RHBDF1: variants seen among roughly 807,000 people sequenced by gnomAD.
RHBDF1 encodes inactive rhomboid protein 1.
A neutral mutation model predicts 98.6 loss-of-function variants in RHBDF1; 80 were observed. The ratio of observed to expected loss-of-function variants is 0.81; its 90% CI spans 0.68 to 0.98. The LOEUF (loss-of-function observed/expected upper bound fraction) is 0.98, where lower values mean the gene tolerates loss of function less well. Among genes scored for constraint, RHBDF1 ranks in the 50% least tolerant of loss-of-function variants. The probability of loss-of-function intolerance (pLI) is 0.00; values close to 1 mark genes in which losing one functional copy is unlikely to be tolerated. For missense variants in RHBDF1, 1,116 were observed against 1,198.3 expected (o/e 0.93, Z 1.01); for synonymous variants, 512 against 486.8 (o/e 1.05, Z -0.68).
At position 64,244 on chromosome 16, in the gene RHBDF1, G is replaced by A; in HGVS notation, c.249-444C>T. 2.3e-6 allele frequency: 3 copies of A among 1,333,076 alleles called. No homozygotes were observed. The South Asian group carries it at 3.7e-5, about 16-fold the overall frequency. The allele number at this position is 1,333,076 out of a possible 1,614,324, so 82.6% of individuals were successfully genotyped here. On this transcript the variant is annotated intron_variant, in intron 3 of 17. Coordinates refer to ENST00000262316, the MANE Select transcript of RHBDF1 (RefSeq NM_022450.5). ...AGCACCTGCCGTTAGGAGCCCCAGG[G>A]AATGCCAACCACACTGGCAGCTCCC...
At position 62,158 on chromosome 16, in the gene RHBDF1, G is replaced by T. The variant is rs757931844; in HGVS notation, c.954-106C>A. 570 of 1,379,986 alleles carry T rather than the reference G, an allele frequency of 4.1e-4. 1 individual carries two copies. Among genetic ancestry groups the T allele is most frequent in the Non-Finnish European group, 4.9e-4 (516 of 1,053,048 alleles). 85.5% of individuals were successfully genotyped at this position (1,379,986 alleles called of 1,614,324 possible). ...GTCTCTATCCTGGCGAATATACTGC[G>T]CAAGTCGCCCGGCATCTGCCTTCTC... On this transcript the variant is annotated intron_variant, in intron 7 of 17. Coordinates refer to ENST00000262316, the MANE Select transcript of RHBDF1 (RefSeq NM_022450.5).
chr16:60,283 C>T lies in RHBDF1; in HGVS notation c.1659-4G>A, dbSNP rs377210215. 11 of 1,613,946 alleles carry T rather than the reference C, an allele frequency of 6.8e-6. No homozygotes were observed. The highest frequency in any genetic ancestry group is 1.1e-5 in the South Asian group (1 of 91,088). ...GGAGGAGGGCTCATCACACACCCTG[C>T]ATGAGCCAAGTATGTGGTCAGACCG... On this transcript the variant is annotated splice_polypyrimidine_tract_variant and splice_region_variant and intron_variant, in intron 12 of 17. Coordinates refer to ENST00000262316, the MANE Select transcript of RHBDF1 (RefSeq NM_022450.5).
At chr16:74,887 C>G (rs1180920365), upstream of RHBDF1, 1 of 150,900 alleles carries the variant, frequency 6.6e-6, no homozygotes, top group African/African-American at 2.4e-5. Context: ...CCCGCCCAAA[C>G]CCTATAAAAC....
upstream of RHBDF1, among the ~76,000 whole-genome samples, chr16:76,062 G>A (rs1002531974): frequency 2.6e-5 from 4 of 152,172 alleles, no homozygotes; most frequent in African/African-American, 9.7e-5. Flanking sequence ...CACAGCCTGT[G>A]GCCTATTGTG....
chr16:64,391 G>A (rs1243903687), intron 3 of RHBDF1: 9 of 1,389,284 alleles, frequency 6.5e-6, no homozygotes, highest in Middle Eastern at 3.8e-4. Flanking sequence ...GCAGCCCGGG[G>A]ACCCAAGAGG....
chr16:58,594 G>A lies in RHBDF1; in HGVS notation c.2314C>T (p.His772Tyr). 1 of 1,613,734 alleles carries A rather than the reference G, an allele frequency of 6.2e-7. No homozygotes were observed. Among genetic ancestry groups the A allele is most frequent in the Non-Finnish European group, 8.5e-7 (1 of 1,179,950 alleles). The change falls in exon 18 of 18, where the codon CAC becomes TAC. Residue 772 changes from histidine (H) to tyrosine (Y), a missense_variant. Coordinates refer to ENST00000262316, the MANE Select transcript of RHBDF1 (RefSeq NM_022450.5). ...AGGCCACTGATGAACCCTGAGATGT[G>A]GGCAAAGTTGTCAATCCACGGCAGC... ...GLLPWIDNFA[H>Y]ISGFISGLFL...
Position 63,167 on chromosome 16 carries a change from C to T in RHBDF1, c.478G>A (p.Ala160Thr). The change falls in exon 5 of 18, where the codon GCC becomes ACC. Residue 160 changes from alanine to threonine, a missense_variant. Transcript: ENST00000262316. ...GCCACACGGAAGGCACGGCCACGGG[C>T]CAGGGGGTCTATGATCTGGAGGAGG... is the stretch of plus-strand genomic sequence containing the variant. ...LGMQKIIDPLARGRAFRVADD... is the reference protein window; with the variant it reads ...LGMQKIIDPLTRGRAFRVADD... The T allele has an allele frequency of 6.3e-7, 1 of 1,578,788 alleles. No homozygotes were observed. The highest frequency in any genetic ancestry group is 8.6e-7 in the Non-Finnish European group (1 of 1,163,020).
At chr16:71,388 G>A (rs1030078505) in intron 1 of RHBDF1, among the ~76,000 whole-genome samples, 1 of 152,216 alleles carries the variant, frequency 6.6e-6, no homozygotes, top group Non-Finnish European at 1.5e-5. Flanking sequence ...CCGCCTCAGG[G>A]ACCCCTTGAG....
chr16:69,008 A>C (rs117078265), intron 1 of RHBDF1, among the ~76,000 whole-genome samples: 3,301 of 152,288 alleles, frequency 0.022, 59 homozygotes, highest in Non-Finnish European at 0.035. Context: ...GGGTCACAGC[A>C]GTGCCTGGCA....
chr16:63,936 G>C, intron 3 of RHBDF1, 136 bp from the exon 4 acceptor site: 1 of 813,182 alleles, frequency 1.2e-6, no homozygotes, highest in Non-Finnish European at 2.1e-6. Flanking sequence ...AGTGGGCAAG[G>C]TCTAATAAGA....
Position 60,285 on chromosome 16 carries a change from T to C in RHBDF1, c.1659-6A>G. 1 of 1,614,072 alleles carries C rather than the reference T, an allele frequency of 6.2e-7. No homozygotes were observed. Among genetic ancestry groups the C allele is most frequent in the Non-Finnish European group, 8.5e-7 (1 of 1,180,014 alleles). ...AGGAGGGCTCATCACACACCCTGCA[T>C]GAGCCAAGTATGTGGTCAGACCGGC... On this transcript the variant is annotated splice_polypyrimidine_tract_variant and splice_region_variant and intron_variant, in intron 12 of 17. Coordinates refer to ENST00000262316, the MANE Select transcript of RHBDF1 (RefSeq NM_022450.5).
At position 58,318 on chromosome 16, in the gene RHBDF1, G is replaced by A; in HGVS notation, c.*22C>T. ...TGGCTCTGGCCTGCTGGAGCACACG[G>A]CCGCTGGAGCCCGCAGCCAGCTCAG... On this transcript the variant is annotated 3_prime_UTR_variant, in exon 18 of 18. Transcript: ENST00000262316. The A allele has an allele frequency of 1.3e-6, 2 of 1,597,788 alleles. No individual in the cohort carries two copies. The highest frequency in any genetic ancestry group is 2.2e-5 in the East Asian group (1 of 44,720).
chr16:61,874 G>A lies in RHBDF1; in HGVS notation c.1132C>T (p.Arg378Trp), dbSNP rs1390738265. The change falls in exon 8 of 18, where the codon CGG becomes TGG. Residue 378 changes from arginine (R) to tryptophan (W), a missense_variant. Coordinates refer to ENST00000262316, the MANE Select transcript of RHBDF1 (RefSeq NM_022450.5). ...TTGCGGTAGGTGCGGTTGGTGAGCC[G>A]TCCCACCATGCCCAGCCCATACGGC... ...KRPYGLGMVG[R>W]LTNRTYRKRI... 6.2e-7 allele frequency: 1 copy of A among 1,609,504 alleles called. No homozygotes were observed. The highest frequency in any genetic ancestry group is 1.1e-5 in the South Asian group (1 of 91,048).
intron 3 of RHBDF1, 92 bp from the exon 4 acceptor site, chr16:63,892 C>CG: frequency 3.7e-6 from 4 of 1,081,838 alleles, no homozygotes; most frequent in Non-Finnish European, 5.6e-6. Flanking sequence ...CATGCTGCCC[C>CG]CAGGCCTGTA....
rs777620317 is a variant in RHBDF1, at chr16:61,990, CG to C, written c.1015del (p.Arg339GlyfsTer7). On this transcript the variant is annotated frameshift_variant, in exon 8 of 18. Transcript: ENST00000262316. LOFTEE classifies it high-confidence loss of function. ...GGTGCTCACCACCTCCTGTCGGAGCCGCACCTTGGGCTGCGGGGCTGCGGCG... is the reference window on the plus strand; with the variant it reads ...GGTGCTCACCACCTCCTGTCGGAGCCCACCTTGGGCTGCGGGGCTGCGGCG... ...EGAAAPQPKVRLRQEVVSTAG... is the reference protein window; with the variant it reads ...EGAAAPQPKVXLRQEVVSTAG... 6.3e-7 allele frequency: 1 copy of C among 1,577,256 alleles called. No homozygotes were observed. Among genetic ancestry groups the C allele is most frequent in the South Asian group, 1.1e-5 (1 of 88,854 alleles).
rs538025732 is a variant in RHBDF1, at chr16:67,887, G to A, written c.-24-2848C>T. 1.1e-4 allele frequency among the ~76,000 whole-genome samples: 16 copies of A among 152,278 alleles called. No individual in the cohort carries two copies. In the South Asian group the frequency reaches 1.2e-3, roughly 12 times the overall value. ...GGAAGACGAGCTGCCTGGCATGAGC[G>A]GATGCAAGCAGGAACAGTCAGGGGG... On this transcript the variant is annotated intron_variant, in intron 1 of 17. Coordinates refer to ENST00000262316, the MANE Select transcript of RHBDF1 (RefSeq NM_022450.5).
chr16:61,338 C>G, intron 10 of RHBDF1, 47 bp downstream of exon 10: 2 of 1,544,786 alleles, frequency 1.3e-6, no homozygotes, highest in Non-Finnish European at 1.7e-6. Context: ...CCGCCGGGCA[C>G]CTCCAGGTCC....
chr16:60,083 G>A lies in RHBDF1; in HGVS notation c.1722+133C>T, dbSNP rs535455163. The A allele has an allele frequency of 6.9e-4, 1,060 of 1,532,708 alleles. 10 individuals are homozygous for A. Among genetic ancestry groups the A allele is most frequent in the Middle Eastern group, 1.8e-4 (1 of 5,466 alleles). 94.9% of individuals were successfully genotyped at this position (1,532,708 alleles called of 1,614,324 possible). A position where few individuals can be genotyped will look rare whatever the true frequency, so the allele number is the denominator to read the frequency against. On this transcript the variant is annotated intron_variant, in intron 13 of 17. Transcript: ENST00000262316. The stretch of plus-strand genomic sequence containing the variant: ...TGGTTGATGGACAGGCTGTACAAAG[G>A]GCAGGTGCACAGCCTCTGAAAACGT...
rs1339740735 is a variant in RHBDF1 at position 58,136 on chromosome 16, G to A, written c.*204C>T. 1.8e-6 allele frequency: 1 copy of A among 565,514 alleles called. No homozygotes were observed. The highest frequency in any genetic ancestry group is 1.9e-5 in the African/African-American group (1 of 53,334). The allele number at this position is 565,514 out of a possible 1,614,324, so 35.0% of individuals were successfully genotyped here. On this transcript the variant is annotated 3_prime_UTR_variant, in exon 18 of 18. Transcript: ENST00000262316. ...TGGTCGTCAAGAAACAAGTTAGAAG[G>A]TTATGACAGGAAGTAGTATAATAAA...
Sources: allele counts gnomAD v4.1 joint callset (sites outside exome capture counted in the v4.1 genomes callset), GRCh38; gene constraint gnomAD v4.1.1; transcripts MANE v1.5; gene names NCBI Gene and HGNC (gene_info 2026-07-23, HGNC 2026-07-21).